RHCE: variants seen among roughly 807,000 people sequenced by gnomAD.
RHCE encodes the protein blood group Rh(CE) polypeptide.
RHCE carries 22 observed loss-of-function variants against 43.8 expected under a neutral mutation model. The ratio of observed to expected loss-of-function variants is 0.50; its 90% CI spans 0.36 to 0.72. The LOEUF (loss-of-function observed/expected upper bound fraction) is 0.72. Ranked by LOEUF, RHCE falls within the 30% of genes least tolerant of loss-of-function variation. RHCE has a pLI of 0.00. For missense variants in RHCE, 385 were observed against 525.4 expected (o/e 0.73, Z 2.61); for synonymous variants, 156 against 210.7 (o/e 0.74, Z 2.25).
chr1:25,406,291 G>T (rs1373077227), intron 2 of RHCE, among the ~76,000 whole-genome samples: 1 of 120,182 alleles, frequency 8.3e-6, no homozygotes, highest in Non-Finnish European at 1.9e-5. Context: ...AATCCCGGTG[G>T]GAATTAACTC....
chr1:25,411,200 G>A, intron 1 of RHCE: 4 of 1,005,446 alleles, frequency 4.0e-6, no homozygotes, highest in Non-Finnish European at 5.6e-6. Flanking sequence ...ACAGAATAAG[G>A]GTAATTAGAG....
intron 7 of RHCE, among the ~76,000 whole-genome samples, chr1:25,381,557 A>G (rs1181829734): frequency 4.0e-5 from 6 of 151,578 alleles, no homozygotes; most frequent in Non-Finnish European, 5.9e-5. Flanking sequence ...CCTGGGTTCA[A>G]GTGATTCTCC....
intron 4 of RHCE, among the ~76,000 whole-genome samples, chr1:25,391,496 A>AT (rs112171126): frequency 0.027 from 3,801 of 138,596 alleles, 147 homozygotes; most frequent in African/African-American, 0.09. Flanking sequence ...CCAAACGCTT[A>AT]TTTTTTTTTT....
chr1:25,414,019 T>A (rs1395763475), intron 1 of RHCE, among the ~76,000 whole-genome samples: 5 of 152,030 alleles, frequency 3.3e-5, no homozygotes, highest in Non-Finnish European at 7.4e-5. Context: ...CAATGCCAGC[T>A]GCTCAGAGGA....
At chr1:25,416,099 C>T (rs993365625) in intron 1 of RHCE, among the ~76,000 whole-genome samples, 6 of 151,618 alleles carry the variant, frequency 4.0e-5, no homozygotes, top group African/African-American at 1.5e-4. Flanking sequence ...TTCAGATTCA[C>T]CCAGAAGCCA....
intron 2 of RHCE, among the ~76,000 whole-genome samples, chr1:25,405,456 C>G (rs867689168): frequency 6.6e-6 from 1 of 152,274 alleles, no homozygotes; most frequent in Middle Eastern, 3.4e-3. Context: ...AGTTCGAGAC[C>G]AACCTGACCC....
chr1:25,423,080 G>C (rs1484009732), upstream of RHCE, among the ~76,000 whole-genome samples: 1 of 152,140 alleles, frequency 6.6e-6, no homozygotes, highest in Non-Finnish European at 1.5e-5. Flanking sequence ...TAAAAGTCTA[G>C]GAACATGGGC....
Position 25,377,477 on chromosome 1 carries a change from T to C in RHCE, c.1074-2049A>G, listed in dbSNP as rs556413068. On this transcript the variant is annotated intron_variant, in intron 7 of 9. Transcript: ENST00000294413. ...TCCCAAAGTGCTGGGATTACAGGTG[T>C]GAGCCACCGAGCTGGCTGCAAAAAT... Among the ~76,000 whole-genome samples, 81 of 152,190 alleles carry C rather than the reference T, an allele frequency of 5.3e-4. 1 individual carries two copies. Among genetic ancestry groups the C allele is most frequent in the African/African-American group, 1.1e-3 (47 of 41,542 alleles).
In RHCE at chr1:25,406,602, C is replaced by T. The variant is rs1417612770; in HGVS notation, c.335+2081G>A. Among the ~76,000 whole-genome samples the T allele has an allele frequency of 6.1e-5, 7 of 113,940 alleles. 1 individual carries two copies. The highest frequency in any genetic ancestry group is 1.1e-4 in the African/African-American group (4 of 37,014). 74.7% of individuals were successfully genotyped at this position (113,940 alleles called of 152,430 possible). A position where few individuals can be genotyped will look rare whatever the true frequency, so the allele number is the denominator to read the frequency against. ...TACTAGGATTACAGGCATGAACCAC[C>T]GCGCCTGGCCTAAAACTGTTGTTTT... is the stretch of plus-strand genomic sequence containing the variant. On this transcript the variant is annotated intron_variant, in intron 2 of 9. Coordinates refer to ENST00000294413, the MANE Select transcript of RHCE (RefSeq NM_020485.8).
chr1:25,410,056 C>T (rs1647026291), intron 1 of RHCE, among the ~76,000 whole-genome samples: 1 of 152,050 alleles, frequency 6.6e-6, no homozygotes, highest in Admixed American at 6.5e-5. Context: ...ACCACCGTGC[C>T]CGGCTAATTT....
At chr1:25,418,721 C>A (rs1209595742) in intron 1 of RHCE, among the ~76,000 whole-genome samples, 1 of 152,230 alleles carries the variant, frequency 6.6e-6, no homozygotes, top group Non-Finnish European at 1.5e-5. Context: ...CCGCCTTTGT[C>A]CCACAGGTAA....
chr1:25,380,581 G>A (rs1275348027), intron 7 of RHCE, among the ~76,000 whole-genome samples: 1 of 152,184 alleles, frequency 6.6e-6, no homozygotes, highest in Non-Finnish European at 1.5e-5. Flanking sequence ...CTCAGCTTTT[G>A]CATTCTGCAC....
chr1:25,390,862 T>A lies in RHCE; in HGVS notation c.688A>T (p.Ser230Cys), dbSNP rs1374016396. 3 of 1,614,098 alleles carry A rather than the reference T, an allele frequency of 1.9e-6. No homozygotes were observed. Among genetic ancestry groups the A allele is most frequent in the Non-Finnish European group, 2.5e-6 (3 of 1,180,042 alleles). The change falls in exon 5 of 10, where the codon AGT becomes TGT. Residue 230 changes from serine (S) to cysteine (C), a missense_variant. Physicochemically the swap from Ser to Cys is moderately radical, Grantham distance 112. Around this residue, in one of 6 missense-constraint regions of RHCE, gnomAD observed 110 missense variants for 103.4 expected, o/e 1.06. Transcript: ENST00000294413. ...WPSVNSALLR[S>C]PIQRKNAMFN... The stretch of plus-strand genomic sequence containing the variant: ...ATGGCATTCTTCCTTTGGATTGGAC[T>A]TCTCAGCAGAGCAGAGTTGACACTT...
intron 3 of RHCE, among the ~76,000 whole-genome samples, chr1:25,401,412 CT>C (rs1646737392): frequency 6.6e-6 from 1 of 152,106 alleles, no homozygotes; most frequent in Non-Finnish European, 1.5e-5. Context: ...TGGGTTCTCG[CT>C]TGGGTTCTGC....
chr1:25,399,989 ATGT>A (rs1036183443), intron 3 of RHCE, among the ~76,000 whole-genome samples: 5 of 152,176 alleles, frequency 3.3e-5, no homozygotes, highest in Admixed American at 3.3e-4. Flanking sequence ...TTTAAATAAA[ATGT>A]TGTATAATAA....
chr1:25,399,296 A>C, intron 3 of RHCE: 1 of 835,644 alleles, frequency 1.2e-6, no homozygotes, highest in Middle Eastern at 3.3e-4. Flanking sequence ...ATAACAGATA[A>C]GTCCATTGGT....
At chr1:25,391,061 A>G (rs1646346195) in intron 4 of RHCE, 146 bp from the exon 5 acceptor site, 2 of 1,087,374 alleles carry the variant, frequency 1.8e-6, no homozygotes, top group Non-Finnish European at 1.4e-6. Context: ...CTCCCCTCCG[A>G]GCTCTCAAGC....
chr1:25,420,112 G>A (rs1450373837), intron 1 of RHCE, among the ~76,000 whole-genome samples: 1 of 151,722 alleles, frequency 6.6e-6, no homozygotes, highest in Non-Finnish European at 1.5e-5. Flanking sequence ...AGACTAGGAG[G>A]TCAAGGCTGC....
chr1:25,414,105 C>G (rs2124524085), intron 1 of RHCE, among the ~76,000 whole-genome samples: 1 of 152,168 alleles, frequency 6.6e-6, no homozygotes, highest in African/African-American at 2.4e-5. Context: ...GTGTTAGTAA[C>G]TGTTACCCCG....
Sources: allele counts gnomAD v4.1 joint callset (sites outside exome capture counted in the v4.1 genomes callset), GRCh38; gene constraint gnomAD v4.1.1; regional missense constraint gnomAD v4.1.1; transcripts MANE v1.5; gene names NCBI Gene and HGNC (gene_info 2026-07-23, HGNC 2026-07-21).